EYA3: variants seen among roughly 807,000 people sequenced by gnomAD.
EYA3 encodes protein phosphatase EYA3.
Under a neutral mutation model 80.0 loss-of-function variants are expected in EYA3, and 39 were observed. That is an observed-to-expected ratio of 0.49 (90% CI 0.38 to 0.64). EYA3 has a LOEUF of 0.64. EYA3 is among the 30% of genes least tolerant of loss of function. EYA3 has a pLI of 0.00. For synonymous variants in EYA3, 206 were observed against 232.8 expected, an observed-to-expected ratio of 0.88 and a Z score of 1.05; for missense variants, 523 against 676.1, an observed-to-expected ratio of 0.77 and a Z score of 2.51.
intron 1 of EYA3, among the ~76,000 whole-genome samples, chr1:28,070,248 G>C (rs545892234): frequency 3.9e-5 from 6 of 151,968 alleles, no homozygotes; most frequent in African/African-American, 7.3e-5. Flanking sequence ...AACTGAAAAC[G>C]AAAGTGGGAA....
At chr1:27,987,025 G>A (rs1023173038) in intron 16 of EYA3, among the ~76,000 whole-genome samples, 1 of 152,158 alleles carries the variant, frequency 6.6e-6, no homozygotes, top group African/African-American at 2.4e-5. Flanking sequence ...TAAGTGTAAA[G>A]TTCTGTCATG....
chr1:28,038,977 C>A, intron 4 of EYA3, 72 bp from the exon 5 acceptor site: 1 of 917,430 alleles, frequency 1.1e-6, no homozygotes, highest in Admixed American at 1.8e-5. Flanking sequence ...AACTGCACAT[C>A]TCACTGTATA....
intron 5 of EYA3, 57 bp from the exon 6 acceptor site, chr1:28,035,737 T>C: frequency 2.0e-6 from 3 of 1,514,586 alleles, no homozygotes; most frequent in South Asian, 1.1e-5. Context: ...TAACGAAAAA[T>C]AGGTAAAATA....
At chr1:28,074,259 C>A (rs1645127329) in intron 1 of EYA3, among the ~76,000 whole-genome samples, 1 of 151,936 alleles carries the variant, frequency 6.6e-6, no homozygotes, top group African/African-American at 2.4e-5. Flanking sequence ...AGAATTCTAC[C>A]CTATCTTAAA....
intron 16 of EYA3, among the ~76,000 whole-genome samples, chr1:27,981,507 T>C (rs1639299178): frequency 6.6e-6 from 1 of 152,114 alleles, no homozygotes; most frequent in Non-Finnish European, 1.5e-5. Context: ...AAGGGAGCGC[T>C]TTCATATATG....
At position 28,004,275 on chromosome 1, in the gene EYA3, G is replaced by A. The variant is rs1571770778; in HGVS notation, c.993+61C>T. On this transcript the variant is annotated intron_variant, in intron 11 of 17. Transcript: ENST00000373871. Reference sequence around the variant, plus strand: ...CAGAGAAATAATTTGTTATGTGTCAGAAGAGGGACTGACTATATAGTCAGA... The same window carrying A: ...CAGAGAAATAATTTGTTATGTGTCAAAAGAGGGACTGACTATATAGTCAGA... 4 of 1,193,446 alleles carry A rather than the reference G, an allele frequency of 3.4e-6. No homozygotes were observed. In the Admixed American group the frequency reaches 7.7e-5, roughly 23 times the overall value. The allele number at this position is 1,193,446 out of a possible 1,614,324, so 73.9% of individuals were successfully genotyped here.
At chr1:27,978,620 G>A (rs913614972) in intron 16 of EYA3, 146 bp from the exon 17 acceptor site, 9 of 601,580 alleles carry the variant, frequency 1.5e-5, no homozygotes, top group South Asian at 6.2e-5. Flanking sequence ...GTAGGGATGG[G>A]AGCTAGAGAT....
chr1:28,054,336 T>C (rs1315288542), intron 2 of EYA3, among the ~76,000 whole-genome samples: 1 of 152,184 alleles, frequency 6.6e-6, no homozygotes. Context: ...GCATGTTAGG[T>C]GTGACTTCTG....
chr1:28,056,279 G>T (rs1221163620), intron 2 of EYA3, among the ~76,000 whole-genome samples: 2 of 151,994 alleles, frequency 1.3e-5, no homozygotes, highest in Non-Finnish European at 2.9e-5. Flanking sequence ...TAGTCCACAG[G>T]CCACAAAGCC....
At chr1:28,032,471 T>C (rs1643206714) in intron 6 of EYA3, among the ~76,000 whole-genome samples, 1 of 152,144 alleles carries the variant, frequency 6.6e-6, no homozygotes, top group Admixed American at 6.6e-5. Context: ...TTCCCAGAAG[T>C]GAAATTACTG....
Position 27,974,349 on chromosome 1 carries a change from G to C in EYA3, c.*117C>G. 1 of 640,944 alleles carries C rather than the reference G, an allele frequency of 1.6e-6. No individual in the cohort carries two copies. Among genetic ancestry groups the C allele is most frequent in the East Asian group, 2.7e-5 (1 of 36,958 alleles). The allele number at this position is 640,944 out of a possible 1,614,324, so 39.7% of individuals were successfully genotyped here. A position where few individuals can be genotyped will look rare whatever the true frequency, so the allele number is the denominator to read the frequency against. On this transcript the variant is annotated 3_prime_UTR_variant, in exon 18 of 18. Transcript: ENST00000373871. The stretch of plus-strand genomic sequence containing the variant: ...AGAGAGAGAAAGAGAGAAAGAGAGA[G>C]AGATAGAGACAGAGACACAGAGAGA...
intron 8 of EYA3, among the ~76,000 whole-genome samples, chr1:28,015,061 A>G (rs1380628789): frequency 6.6e-6 from 1 of 152,248 alleles, no homozygotes; most frequent in African/African-American, 2.4e-5. Context: ...TATTAAAGAA[A>G]AGAATAAGTC....
rs200761204 is a variant in EYA3 at position 28,033,656 on chromosome 1, TA to T, written c.361+1887del. Among the ~76,000 whole-genome samples, 1,196 of 132,192 alleles carry T rather than the reference TA, an allele frequency of 9.0e-3. 11 individuals carry two copies. The highest frequency in any genetic ancestry group is 0.019 in the African/African-American group (699 of 36,836). 86.7% of individuals were successfully genotyped at this position (132,192 alleles called of 152,430 possible). ...TTTTTTAATGTATTATTATTATTAT[TA>T]TTATTATTATTATTTTTGAGACAGT... On this transcript the variant is annotated intron_variant, in intron 6 of 17. Coordinates refer to ENST00000373871, the MANE Select transcript of EYA3 (RefSeq NM_001990.4).
In EYA3 at chr1:28,058,023, C is replaced by A; in HGVS notation, c.4G>T (p.Glu2Ter). The A allele has an allele frequency of 6.3e-7, 1 of 1,587,934 alleles. No individual in the cohort carries two copies. Among genetic ancestry groups the A allele is most frequent in the Non-Finnish European group, 8.6e-7 (1 of 1,163,318 alleles). The stretch of plus-strand genomic sequence containing the variant: ...TGCTCTGGTAAATCTTGCTCTTCTT[C>A]CATGAGGACCAATATTTCTTTATTA... The part of the protein sequence containing the change: M[E>*]EEQDLPEQPV... The change falls in exon 2 of 18, where the codon GAA becomes TAA. Residue 2 changes from glutamate (E) to a stop codon, truncating the protein, a stop_gained. Transcript: ENST00000373871. LOFTEE classifies it high-confidence loss of function.
rs111612303 is a variant in EYA3 at position 28,062,657 on chromosome 1, G to GGGGT, written c.-68-4564_-68-4563insACCC. Among the ~76,000 whole-genome samples, 10 of 141,626 alleles carry GGGGT rather than the reference G, an allele frequency of 7.1e-5. No individual in the cohort carries two copies. In the South Asian group the frequency reaches 1.1e-3, roughly 16 times the overall value. 92.9% of individuals were successfully genotyped at this position (141,626 alleles called of 152,430 possible). On this transcript the variant is annotated intron_variant, in intron 1 of 17. Coordinates refer to ENST00000373871, the MANE Select transcript of EYA3 (RefSeq NM_001990.4). ...TAGGAAGAGAAATTAAATATATGTA[G>GGGGT]GTGTGTGTGTGTGTGTGTGTGTGTG...
At chr1:28,086,583 T>C (rs1571995737) in intron 1 of EYA3, among the ~76,000 whole-genome samples, 2 of 152,360 alleles carry the variant, frequency 1.3e-5, no homozygotes, top group Middle Eastern at 6.8e-3. Context: ...TTTTCTATTG[T>C]TTTGAAGACA....
chr1:28,020,820 G>A (rs1642387717), intron 7 of EYA3, among the ~76,000 whole-genome samples: 1 of 151,936 alleles, frequency 6.6e-6, no homozygotes, highest in Admixed American at 6.6e-5. Context: ...TCAAGTGCTG[G>A]CTCCTATTAT....
At chr1:28,035,135 G>C (rs1196574703) in intron 6 of EYA3, among the ~76,000 whole-genome samples, 2 of 152,056 alleles carry the variant, frequency 1.3e-5, no homozygotes, top group Non-Finnish European at 2.9e-5. Context: ...AAAGGAGAGG[G>C]AGAAGTTGGC....
At chr1:27,984,721 T>A (rs1248008411) in intron 16 of EYA3, among the ~76,000 whole-genome samples, 3 of 152,180 alleles carry the variant, frequency 2.0e-5, no homozygotes, top group Admixed American at 6.5e-5. Flanking sequence ...ATCTAGTGGA[T>A]CGTTTCCATC....
Sources: allele counts gnomAD v4.1 joint callset (sites outside exome capture counted in the v4.1 genomes callset), GRCh38; gene constraint gnomAD v4.1.1; transcripts MANE v1.5; gene names NCBI Gene and HGNC (gene_info 2026-07-23, HGNC 2026-07-21).